Variants in DCAF12 observed in about 807,000 individuals in gnomAD.
The protein encoded by DCAF12 is DDB1- and CUL4-associated factor 12.
Under a neutral mutation model 52.8 loss-of-function variants are expected in DCAF12, and 28 were observed. The ratio of observed to expected loss-of-function variants is 0.53; its 90% confidence interval spans 0.39 to 0.73. The LOEUF is 0.73. Among genes scored for constraint, DCAF12 ranks in the 30% least tolerant of loss-of-function variants. The pLI, the probability that DCAF12 is intolerant of heterozygous loss-of-function variation, is 0.00. For missense variants in DCAF12, 425 were observed against 552.2 expected, an observed-to-expected ratio of 0.77 and a Z score of 2.31; for synonymous variants, 196 against 215.5, an observed-to-expected ratio of 0.91 and a Z score of 0.79.
intron 2 of DCAF12, among the ~76,000 whole-genome samples, chr9:34,107,960 A>C (rs188289770): frequency 6.6e-6 from 1 of 152,338 alleles, no homozygotes; most frequent in Admixed American, 6.5e-5. Context: ...TTTAAACGAA[A>C]CACAATTCCC....
chr9:34,121,604 T>C (rs1014782530), intron 2 of DCAF12, among the ~76,000 whole-genome samples: 1 of 150,792 alleles, frequency 6.6e-6, no homozygotes, highest in Non-Finnish European at 1.5e-5. Context: ...ACTCTGCCGA[T>C]TGCCATCCTT....
At chr9:34,088,863 AT>A (rs1265498633) in intron 8 of DCAF12, among the ~76,000 whole-genome samples, 1 of 152,060 alleles carries the variant, frequency 6.6e-6, no homozygotes, top group Non-Finnish European at 1.5e-5. Flanking sequence ...TAATCCCAGA[AT>A]TTTAGGAGGC....
At position 34,102,013 on chromosome 9, in the gene DCAF12, G is replaced by A. The variant is rs1159035570; in HGVS notation, c.602-3496C>T. On this transcript the variant is annotated intron_variant, in intron 4 of 8. Coordinates refer to ENST00000361264, the MANE Select transcript of DCAF12 (RefSeq NM_015397.4). ...CTGGGTGACAGAGTGAGACCCTGTC[G>A]CAAAAAAAAAAAAAAGATAATAATG... Among the ~76,000 whole-genome samples the A allele has an allele frequency of 3.2e-5, 4 of 124,456 alleles. No individual in the cohort carries two copies. The South Asian group carries it at 7.7e-4, about 24-fold the overall frequency. 81.6% of individuals were successfully genotyped at this position (124,456 alleles called of 152,430 possible).
At chr9:34,102,365 A>G (rs753708891) in intron 4 of DCAF12, among the ~76,000 whole-genome samples, 2 of 152,132 alleles carry the variant, frequency 1.3e-5, no homozygotes, top group Non-Finnish European at 2.9e-5. Context: ...ACAATAATAA[A>G]GCACTTAAAA....
rs1347199404 is a variant in DCAF12, at chr9:34,087,162, C to T, written c.*1188G>A. On this transcript the variant is annotated 3_prime_UTR_variant, in exon 9 of 9. Transcript: ENST00000361264. Reference sequence around the variant, plus strand: ...AGCCTGTCACCATCTCAGGGCTAAGCCAACAGAGTAGGAGGGGTGGCTTCA... The same window carrying T: ...AGCCTGTCACCATCTCAGGGCTAAGTCAACAGAGTAGGAGGGGTGGCTTCA... The T allele has an allele frequency of 1.3e-5, 2 of 152,224 alleles. No individual in the cohort carries two copies. The highest frequency in any genetic ancestry group is 2.9e-5 in the Non-Finnish European group (2 of 68,082). The allele number at this position is 152,224 out of a possible 1,614,324, so 9.4% of individuals were successfully genotyped here.
At chr9:34,103,445 T>A (rs578148151) in intron 4 of DCAF12, among the ~76,000 whole-genome samples, 17 of 152,098 alleles carry the variant, frequency 1.1e-4, no homozygotes, top group African/African-American at 3.6e-4. Flanking sequence ...TAAGTTTATA[T>A]TCCCATTCAG....
At chr9:34,121,774 C>A (rs368685566) in intron 2 of DCAF12, among the ~76,000 whole-genome samples, 1 of 152,120 alleles carries the variant, frequency 6.6e-6, no homozygotes, top group Non-Finnish European at 1.5e-5. Flanking sequence ...GAAACCCTAT[C>A]TCTACTAAAA....
intron 2 of DCAF12, among the ~76,000 whole-genome samples, chr9:34,115,815 C>T (rs899924356): frequency 3.9e-5 from 6 of 152,068 alleles, no homozygotes; most frequent in African/African-American, 1.4e-4. Flanking sequence ...TGGGCTCAGG[C>T]AATCCTCCCG....
rs566968534 is a variant in DCAF12 at position 34,120,335 on chromosome 9, G to A, written c.333+4688C>T. 2.9e-4 allele frequency among the ~76,000 whole-genome samples: 44 copies of A among 150,864 alleles called. 1 individual carries two copies. The highest frequency in any genetic ancestry group is 1.0e-3 in the African/African-American group (41 of 41,116). On this transcript the variant is annotated intron_variant, in intron 2 of 8. Coordinates refer to ENST00000361264, the MANE Select transcript of DCAF12 (RefSeq NM_015397.4). ...TTTGAAGCTGCAGTGAGCCATGACT[G>A]CACCACTGTACTCCACCCTGAGTGC...
intron 2 of DCAF12, chr9:34,109,825 AG>A: frequency 3.0e-6 from 1 of 335,090 alleles, no homozygotes; most frequent in South Asian, 3.0e-5. Context: ...GGGCAGCTTT[AG>A]GGGTCGGAAG....
chr9:34,101,358 C>T (rs1828826273), intron 4 of DCAF12, among the ~76,000 whole-genome samples: 1 of 151,902 alleles, frequency 6.6e-6, no homozygotes, highest in African/African-American at 2.4e-5. Context: ...CAAGTGTAAG[C>T]CACTGTGCCC....
chr9:34,102,235 A>G (rs1828839891), intron 4 of DCAF12, among the ~76,000 whole-genome samples: 3 of 151,794 alleles, frequency 2.0e-5, no homozygotes, highest in Non-Finnish European at 2.9e-5. Flanking sequence ...GGGTGCAGTG[A>G]GCTGGGATCA....
rs1406599324 is a variant in DCAF12, at chr9:34,126,656, C to T, written c.-225G>A. 3.4e-6 allele frequency: 2 copies of T among 582,252 alleles called. No individual in the cohort carries two copies. Among genetic ancestry groups the T allele is most frequent in the African/African-American group, 1.9e-5 (1 of 52,538 alleles). The allele number at this position is 582,252 out of a possible 1,614,324, so 36.1% of individuals were successfully genotyped here. A position where few individuals can be genotyped will look rare whatever the true frequency, so the allele number is the denominator to read the frequency against. ...GGGAAGGGGAAGCGAGAATGAGCGG[C>T]TTTCCGACGGCAGAGCCTGCAAGGA... is the stretch of plus-strand genomic sequence containing the variant. On this transcript the variant is annotated 5_prime_UTR_variant, in exon 1 of 9. Coordinates refer to ENST00000361264, the MANE Select transcript of DCAF12 (RefSeq NM_015397.4).
intron 8 of DCAF12, 42 bp from the exon 9 acceptor site, chr9:34,088,550 T>TGGGGCAGGAAAAGGGGGAGGAA: frequency 6.2e-7 from 1 of 1,611,658 alleles, no homozygotes; most frequent in Non-Finnish European, 8.5e-7. Context: ...CCTCTAGCCA[T>TGGGGCAGGAAAAGGGGGAGGAA]GGGGCAGGAA....
Position 34,106,622 on chromosome 9 carries a change from A to T in DCAF12, c.541-128T>A, listed in dbSNP as rs1828908730. ...TATTTTTGTAGAAATTACAACTCTG[A>T]TCTCTGGTGGTCTCAACCCACAGAG... is the stretch of plus-strand genomic sequence containing the variant. On this transcript the variant is annotated intron_variant, in intron 3 of 8. Transcript: ENST00000361264. 6 of 711,340 alleles carry T rather than the reference A, an allele frequency of 8.4e-6. No individual in the cohort carries two copies. The Admixed American group carries it at 1.4e-4, about 17-fold the overall frequency. 44.1% of individuals were successfully genotyped at this position (711,340 alleles called of 1,614,324 possible).
intron 4 of DCAF12, among the ~76,000 whole-genome samples, chr9:34,101,023 G>A (rs1828819956): frequency 6.7e-6 from 1 of 150,100 alleles, no homozygotes; most frequent in Non-Finnish European, 1.5e-5. Flanking sequence ...TGAAATCCAT[G>A]GGCTTTCCAT....
intron 2 of DCAF12, among the ~76,000 whole-genome samples, chr9:34,119,408 ATTG>A (rs1400092070): frequency 2.0e-5 from 3 of 152,152 alleles, no homozygotes; most frequent in African/African-American, 4.8e-5. Context: ...ATATATTTTA[ATTG>A]TGCACAGCTA....
rs556417566 is a variant in DCAF12 at position 34,101,377 on chromosome 9, T to C, written c.602-2860A>G. ...TGTAAGCCACTGTGCCCGGCCATAATTCCTTTATTATTTATTTATTTATTT... is the reference window on the plus strand; with the variant it reads ...TGTAAGCCACTGTGCCCGGCCATAACTCCTTTATTATTTATTTATTTATTT... On this transcript the variant is annotated intron_variant, in intron 4 of 8. Coordinates refer to ENST00000361264, the MANE Select transcript of DCAF12 (RefSeq NM_015397.4). Among the ~76,000 whole-genome samples the C allele has an allele frequency of 1.1e-4, 15 of 137,940 alleles. No homozygotes were observed. In the East Asian group the frequency reaches 2.9e-3, roughly 26 times the overall value. 90.5% of individuals were successfully genotyped at this position (137,940 alleles called of 152,430 possible). A position where few individuals can be genotyped will look rare whatever the true frequency, so the allele number is the denominator to read the frequency against.
At chr9:34,092,722 C>T (rs1479288786) in intron 7 of DCAF12, among the ~76,000 whole-genome samples, 1 of 151,928 alleles carries the variant, frequency 6.6e-6, no homozygotes, top group East Asian at 1.9e-4. Context: ...AAAAGTAGAG[C>T]TTTCTAAAAG....
Sources: allele counts gnomAD v4.1 joint callset (sites outside exome capture counted in the v4.1 genomes callset), GRCh38; gene constraint gnomAD v4.1.1; transcripts MANE v1.5; gene names NCBI Gene and HGNC (gene_info 2026-07-23, HGNC 2026-07-21).